The following ATP2B3 variants were observed in gnomAD, a reference collection of about 807,000 sequenced individuals.
ATP2B3 encodes the protein ATPase plasma membrane Ca2+ transporting 3.
A neutral mutation model predicts 70.8 loss-of-function variants in ATP2B3; 12 were observed. The observed-to-expected ratio is 0.17, with a 90% CI of 0.11 to 0.27. The LOEUF is 0.27. Among genes scored for constraint, ATP2B3 ranks in the 10% least tolerant of loss-of-function variants. The pLI is 1.00. For synonymous variants in ATP2B3, 460 were observed against 497.8 expected (o/e 0.92, Z 1.01); for missense variants, 858 against 1,118.5 (o/e 0.77, Z 3.32).
At chrX:153,529,792 C>G (rs1300161869) in intron 2 of ATP2B3, among the ~76,000 whole-genome samples, 5 of 111,541 alleles carry the variant, frequency 4.5e-5, no homozygotes, top group Non-Finnish European at 9.4e-5. Flanking sequence ...CTATGAGGCC[C>G]TCACAGGAGT....
chrX:153,556,467 T>A (rs1329180208), intron 15 of ATP2B3, 49 bp downstream of exon 15: 1 of 1,135,495 alleles, frequency 8.8e-7, no homozygotes. Flanking sequence ...CCCGAGGTTG[T>A]CTGCTTCCTG....
At chrX:153,553,854 G>A (rs954701595) in intron 13 of ATP2B3, among the ~76,000 whole-genome samples, 3 of 113,181 alleles carry the variant, frequency 2.7e-5, no homozygotes, top group Non-Finnish European at 3.7e-5. Context: ...AGAGTGTGGA[G>A]GATGGCCGGC....
rs2090481500 is a variant in ATP2B3, at chrX:153,553,075, T to G, written c.1864T>G (p.Phe622Val). ...ILNSNGELRGFRPRDRDDMVR... is the reference protein window; with the variant it reads ...ILNSNGELRGVRPRDRDDMVR... Reference sequence around the variant, plus strand: ...GAACAGCAATGGCGAACTCCGGGGCTTTCGGCCTCGGGACCGGGACGACAT... The same window carrying G: ...GAACAGCAATGGCGAACTCCGGGGCGTTCGGCCTCGGGACCGGGACGACAT... The change falls in exon 13 of 22, where the codon TTT (phenylalanine) becomes GTT (valine). Residue 622 changes from phenylalanine to valine, a missense_variant. By Grantham distance (50) the Phe-to-Val change is conservative. Around this residue, in one of 5 missense-constraint regions of ATP2B3, gnomAD observed 242 missense variants for 281.3 expected, o/e 0.86. Coordinates refer to ENST00000263519, the MANE Select transcript of ATP2B3 (RefSeq NM_001001344.3). The G allele has an allele frequency of 1.7e-6, 2 of 1,206,517 alleles. No homozygotes were observed. Among genetic ancestry groups the G allele is most frequent in the Non-Finnish European group, 2.2e-6 (2 of 892,154 alleles).
intron 2 of ATP2B3, among the ~76,000 whole-genome samples, chrX:153,521,592 C>T (rs1371415267): frequency 8.9e-6 from 1 of 111,873 alleles, no homozygotes; most frequent in East Asian, 2.8e-4. Context: ...ATGTCCGTGT[C>T]CTTGAAGAGC....
At chrX:153,570,159 G>A (rs1557019495) in intron 21 of ATP2B3, among the ~76,000 whole-genome samples, 1 of 112,701 alleles carries the variant, frequency 8.9e-6, no homozygotes, top group East Asian at 2.8e-4. Flanking sequence ...GGCAGCACGC[G>A]GGCTCAGGGC....
chrX:153,574,603 G>A (rs1293280280), intron 21 of ATP2B3: 7 of 248,901 alleles, frequency 2.8e-5, no homozygotes, highest in Non-Finnish European at 5.4e-5. Context: ...AGCTTCTGTC[G>A]TTTCGTTGTC....
intron 7 of ATP2B3, among the ~76,000 whole-genome samples, chrX:153,543,439 T>C (rs1057247733): frequency 4.4e-5 from 5 of 112,847 alleles, no homozygotes; most frequent in Admixed American, 3.7e-4. Context: ...CATACCTACC[T>C]GGACAGGAAT....
chrX:153,566,151 A>T (rs2090704248), intron 21 of ATP2B3, among the ~76,000 whole-genome samples: 1 of 112,330 alleles, frequency 8.9e-6, no homozygotes, highest in Admixed American at 9.3e-5. Flanking sequence ...GCCACCCAGC[A>T]TGCTTCACAC....
Position 153,580,152 on chromosome X carries a change from G to GC in ATP2B3, c.3524dup (p.Pro1176AlafsTer117), listed in dbSNP as rs782513834. The GC allele has an allele frequency of 5.8e-6, 7 of 1,206,626 alleles. No homozygotes were observed. The highest frequency in any genetic ancestry group is 3.5e-5 in the African/African-American group (2 of 56,672). On this transcript the variant is annotated frameshift_variant, in exon 22 of 22. Coordinates refer to ENST00000263519, the MANE Select transcript of ATP2B3 (RefSeq NM_001001344.3). LOFTEE classifies it high-confidence loss of function. The stretch of plus-strand genomic sequence containing the variant: ...GGACGAGAACGAGGAGCGCCTCCGG[G>GC]CCCCCCCGCCCCCGTCCCCCAACCA...
At chrX:153,540,884 C>G (rs2090269435) in intron 3 of ATP2B3, among the ~76,000 whole-genome samples, 1 of 112,343 alleles carries the variant, frequency 8.9e-6, no homozygotes, top group Admixed American at 9.3e-5. Context: ...GACACTCGCT[C>G]TCCTCCCCAG....
chrX:153,559,144 C>T (rs2090586429), intron 17 of ATP2B3: 1 of 112,703 alleles, frequency 8.9e-6, no homozygotes, highest in African/African-American at 3.2e-5. Context: ...ATTCCCAGAA[C>T]ATTCTCATCA....
chrX:153,531,669 G>A (rs1389657214), intron 2 of ATP2B3, among the ~76,000 whole-genome samples: 1 of 112,747 alleles, frequency 8.9e-6, no homozygotes, highest in Non-Finnish European at 1.9e-5. Context: ...CTTCCAGATG[G>A]TCTGAATGCC....
chrX:153,528,444 C>T (rs1233538820), intron 2 of ATP2B3, among the ~76,000 whole-genome samples: 1 of 111,576 alleles, frequency 9.0e-6, no homozygotes, highest in African/African-American at 3.3e-5. Context: ...ACTTCTAGGA[C>T]AATATCACCC....
chrX:153,565,148 G>T, intron 21 of ATP2B3, 45 bp downstream of exon 21: 1 of 1,132,295 alleles, frequency 8.8e-7, no homozygotes, highest in Non-Finnish European at 1.2e-6. Context: ...ACCCCAAGAG[G>T]GTAGAGGCAA....
chrX:153,559,992 A>G, intron 18 of ATP2B3, 50 bp downstream of exon 18: 1 of 1,133,558 alleles, frequency 8.8e-7, no homozygotes, highest in Non-Finnish European at 1.2e-6. Context: ...TGTTGCCACC[A>G]CCTCGGGCTC....
At chrX:153,557,873 A>T (rs2090562835) in intron 16 of ATP2B3, among the ~76,000 whole-genome samples, 1 of 89,631 alleles carries the variant, frequency 1.1e-5, no homozygotes, top group Non-Finnish European at 2.3e-5. Context: ...CTCTGTGTTT[A>T]TGAGCAAAGC....
intron 12 of ATP2B3, among the ~76,000 whole-genome samples, chrX:153,550,821 T>G (rs1006655516): frequency 6.3e-5 from 7 of 111,693 alleles, no homozygotes; most frequent in African/African-American, 2.0e-4. Flanking sequence ...GGTCTTGAAG[T>G]CTTGGGCTCA....
rs5986910 is a variant in ATP2B3, at chrX:153,565,037, T to C, written c.3276T>C (p.His1092=). Residue 1092 remains histidine (H), a synonymous_variant, in exon 21 of 22, where the codon CAT becomes CAC. Transcript: ENST00000263519. ...ELAEGEEEID[H]AERELRRGQI... Reference sequence around the variant, plus strand: ...CCGAAGGCGAGGAAGAGATCGACCATGCCGAGCGGGAGCTCCGCAGGGGCC... The same window carrying C: ...CCGAAGGCGAGGAAGAGATCGACCACGCCGAGCGGGAGCTCCGCAGGGGCC... 12,350 of 1,200,452 alleles carry C rather than the reference T, an allele frequency of 0.01. 663 individuals carry two copies. In the African/African-American group the frequency reaches 0.17, roughly 17 times the overall value.
At chrX:153,542,937 C>T in intron 6 of ATP2B3, 106 bp from the exon 7 acceptor site, 1 of 1,049,011 alleles carries the variant, frequency 9.5e-7, no homozygotes, top group East Asian at 3.2e-5. Flanking sequence ...AGGTGGACAC[C>T]GCGTCCCTGC....
Sources: gnomAD v4.1 joint callset for allele counts (sites outside exome capture counted in the v4.1 genomes callset) on GRCh38, gnomAD v4.1.1 for gene constraint, gnomAD v4.1.1 regional missense constraint, MANE v1.5 for transcripts, NCBI Gene and HGNC (gene_info 2026-07-23, HGNC 2026-07-21) for gene names.